TENM4: variants seen among roughly 807,000 people sequenced by gnomAD.
The protein encoded by TENM4 is teneurin transmembrane protein 4.
A neutral mutation model predicts 243.3 loss-of-function variants in TENM4; 82 were observed. The ratio of observed to expected loss-of-function variants is 0.34; its 90% CI spans 0.28 to 0.40. The LOEUF is 0.40. Ranked by LOEUF, TENM4 falls within the 10% of genes least tolerant of loss-of-function variation. The pLI is 1.00. For synonymous variants in TENM4, 1,412 were observed against 1,456.3 expected (o/e 0.97, Z 0.69); for missense variants, 3,138 against 3,673.3 (o/e 0.85, Z 3.77).
In TENM4 at chr11:78,994,561, C is replaced by CT. The variant is rs1363584638; in HGVS notation, c.493+70176dup. Among the ~76,000 whole-genome samples the CT allele has an allele frequency of 2.0e-5, 3 of 152,316 alleles. No homozygotes were observed. In the East Asian group the frequency reaches 5.8e-4, roughly 29 times the overall value. ...CTTGGAAGCCATAGCTTTGTGCTGC[C>CT]TTTTATCTAAAATCAGAAAATAGTA... is the stretch of plus-strand genomic sequence containing the variant. On this transcript the variant is annotated intron_variant, in intron 6 of 33. Transcript: ENST00000278550.
intron 1 of TENM4, among the ~76,000 whole-genome samples, chr11:79,432,224 A>G (rs1859183920): frequency 6.6e-6 from 1 of 152,196 alleles, no homozygotes. Flanking sequence ...ATTTCTTTCA[A>G]GGCAAGAGCT....
intron 14 of TENM4, among the ~76,000 whole-genome samples, chr11:78,806,325 A>C (rs1857387461): frequency 6.6e-6 from 1 of 152,060 alleles, no homozygotes; most frequent in Non-Finnish European, 1.5e-5. Flanking sequence ...AAACAAAGAC[A>C]AAAAAATTCA....
intron 9 of TENM4, among the ~76,000 whole-genome samples, chr11:78,865,161 T>C (rs1196906918): frequency 6.6e-6 from 1 of 152,250 alleles, no homozygotes; most frequent in Non-Finnish European, 1.5e-5. Flanking sequence ...TACTTAATGA[T>C]ATGCCAGGCA....
At chr11:78,758,236 C>T (rs191224510) in intron 18 of TENM4, among the ~76,000 whole-genome samples, 13 of 152,260 alleles carry the variant, frequency 8.5e-5, no homozygotes, top group Admixed American at 6.5e-4. Flanking sequence ...ACCGTGGGAG[C>T]GCACAGATCT....
chr11:78,720,447 G>A, intron 24 of TENM4, 57 bp from the exon 25 acceptor site: 1 of 1,595,826 alleles, frequency 6.3e-7, no homozygotes, highest in Non-Finnish European at 8.6e-7. Flanking sequence ...TAGCAGCAGG[G>A]TTAGAAGCAT....
intron 4 of TENM4, among the ~76,000 whole-genome samples, chr11:79,122,867 A>G (rs200763248): frequency 6.6e-6 from 1 of 152,380 alleles, no homozygotes; most frequent in East Asian, 1.9e-4. Context: ...ATTTCTGGAA[A>G]GTACAGCAAC....
chr11:78,950,321 T>C (rs1857085865), intron 6 of TENM4, among the ~76,000 whole-genome samples: 1 of 152,192 alleles, frequency 6.6e-6, no homozygotes, highest in African/African-American at 2.4e-5. Context: ...CCAGGGGTCA[T>C]AAACTGCTCC....
intron 1 of TENM4, among the ~76,000 whole-genome samples, chr11:79,428,202 G>A (rs867769033): frequency 6.6e-6 from 1 of 152,208 alleles, no homozygotes; most frequent in Admixed American, 6.5e-5. Context: ...TAAGTTCTCA[G>A]ATGGTACCTA....
At chr11:78,988,604 A>G (rs1258196783) in intron 6 of TENM4, among the ~76,000 whole-genome samples, 1 of 152,252 alleles carries the variant, frequency 6.6e-6, no homozygotes, top group Non-Finnish European at 1.5e-5. Context: ...CTCAGAGCTC[A>G]GATGCAGGTA....
chr11:79,210,816 A>G (rs1863941352), intron 3 of TENM4, among the ~76,000 whole-genome samples: 1 of 151,960 alleles, frequency 6.6e-6, no homozygotes, highest in African/African-American at 2.4e-5. Flanking sequence ...GCATTACTTT[A>G]TTTGCTAATG....
At chr11:78,663,862 A>G (rs1250179247) in intron 32 of TENM4, among the ~76,000 whole-genome samples, 1 of 152,172 alleles carries the variant, frequency 6.6e-6, no homozygotes, top group Non-Finnish European at 1.5e-5. Context: ...ATCCCATTCA[A>G]GAACCTCGTG....
chr11:79,275,413 A>T (rs1856038745), intron 2 of TENM4, among the ~76,000 whole-genome samples: 1 of 152,258 alleles, frequency 6.6e-6, no homozygotes, highest in South Asian at 2.1e-4. Flanking sequence ...AAAGCAGGGC[A>T]AGCATGTTTC....
intron 14 of TENM4, 127 bp downstream of exon 14, chr11:78,811,995 T>G (rs551819995): frequency 5.0e-5 from 60 of 1,210,132 alleles, no homozygotes; most frequent in Non-Finnish European, 6.5e-5. Flanking sequence ...GGTGGGCTCC[T>G]GGCTTGGGGA....
chr11:79,284,094 T>A (rs1856206218), intron 2 of TENM4, among the ~76,000 whole-genome samples: 1 of 152,218 alleles, frequency 6.6e-6, no homozygotes, highest in South Asian at 2.1e-4. Context: ...GTTTGTGGAT[T>A]GGGAGATTTA....
At chr11:79,201,088 A>G (rs973396970) in intron 3 of TENM4, among the ~76,000 whole-genome samples, 2 of 152,198 alleles carry the variant, frequency 1.3e-5, no homozygotes, top group Non-Finnish European at 2.9e-5. Context: ...GGACTCATGG[A>G]CATTAGTAAT....
intron 15 of TENM4, among the ~76,000 whole-genome samples, chr11:78,790,112 G>T (rs187651230): frequency 6.6e-6 from 1 of 152,108 alleles, no homozygotes; most frequent in Non-Finnish European, 1.5e-5. Flanking sequence ...AAATACAGAG[G>T]TCAATAAGAT....
At chr11:78,741,442 C>T (rs1318535470) in intron 19 of TENM4, among the ~76,000 whole-genome samples, 1 of 152,262 alleles carries the variant, frequency 6.6e-6, no homozygotes, top group East Asian at 1.9e-4. Context: ...TGGGAAGAGA[C>T]ACACAGGAGG....
chr11:78,993,453 A>C (rs915266851), intron 6 of TENM4, among the ~76,000 whole-genome samples: 3 of 151,984 alleles, frequency 2.0e-5, no homozygotes, highest in African/African-American at 7.2e-5. Context: ...TATTATTTTT[A>C]CTGTTTTCAT....
chr11:79,020,634 T>C (rs950469057), intron 6 of TENM4, among the ~76,000 whole-genome samples: 3 of 151,990 alleles, frequency 2.0e-5, no homozygotes, highest in African/African-American at 7.3e-5. Context: ...AAAAAAAACA[T>C]GAAAAAATTG....
Sources: allele counts gnomAD v4.1 joint callset (sites outside exome capture counted in the v4.1 genomes callset), GRCh38; gene constraint gnomAD v4.1.1; transcripts MANE v1.5; gene names NCBI Gene and HGNC (gene_info 2026-07-23, HGNC 2026-07-21).